Variants in NRXN1 observed in about 807,000 individuals in gnomAD.
NRXN1 encodes the protein neurexin-1.
NRXN1 carries 39 observed loss-of-function variants against 150.9 expected under a neutral mutation model. The observed-to-expected ratio is 0.26, with a 90% CI of 0.20 to 0.34. NRXN1 has a LOEUF of 0.34. Ranked by LOEUF, NRXN1 falls within the 10% of genes least tolerant of loss-of-function variation. NRXN1 has a pLI of 1.00. For missense variants in NRXN1, 1,815 were observed against 1,949.9 expected (o/e 0.93, Z 1.30); for synonymous variants, 924 against 757.0 (o/e 1.22, Z -3.62).
intron 17 of NRXN1, among the ~76,000 whole-genome samples, chr2:50,444,265 A>G (rs542630478): frequency 1.3e-5 from 2 of 152,306 alleles, no homozygotes; most frequent in South Asian, 2.1e-4. Context: ...AAATATACAT[A>G]AAAGTAATAA....
At chr2:50,839,272 A>C (rs1672529366) in intron 5 of NRXN1, among the ~76,000 whole-genome samples, 1 of 152,146 alleles carries the variant, frequency 6.6e-6, no homozygotes. Context: ...TTGATACTTC[A>C]TTTTTATCTC....
chr2:49,968,482 C>A (rs1258705126), intron 21 of NRXN1, among the ~76,000 whole-genome samples: 2 of 151,952 alleles, frequency 1.3e-5, no homozygotes, highest in Admixed American at 6.6e-5. Context: ...TAGGAAACAA[C>A]CCCCTTGACT....
At chr2:50,609,532 C>T (rs985961315) in intron 8 of NRXN1, among the ~76,000 whole-genome samples, 2 of 152,096 alleles carry the variant, frequency 1.3e-5, no homozygotes, top group African/African-American at 4.8e-5. Context: ...TACATAGTCT[C>T]ACTTAATCCT....
intron 17 of NRXN1, among the ~76,000 whole-genome samples, chr2:50,344,497 G>A (rs1036270249): frequency 7.2e-5 from 11 of 152,082 alleles, no homozygotes; most frequent in African/African-American, 2.7e-4. Flanking sequence ...CAGAACCTTC[G>A]AAGGAAACAG....
At chr2:50,933,885 TC>T (rs1393389238) in intron 2 of NRXN1, among the ~76,000 whole-genome samples, 2 of 152,142 alleles carry the variant, frequency 1.3e-5, no homozygotes, top group African/African-American at 4.8e-5. Flanking sequence ...TCAGAGAAGT[TC>T]ACTTTACTTT....
intron 18 of NRXN1, among the ~76,000 whole-genome samples, chr2:50,185,109 T>G (rs1574379814): frequency 6.6e-6 from 1 of 152,076 alleles, no homozygotes; most frequent in Non-Finnish European, 1.5e-5. Flanking sequence ...ATGGGGAGAA[T>G]GAGAGAAACT....
intron 21 of NRXN1, among the ~76,000 whole-genome samples, chr2:50,002,492 G>C (rs920846946): frequency 6.6e-6 from 1 of 152,104 alleles, no homozygotes; most frequent in Non-Finnish European, 1.5e-5. Flanking sequence ...TAGGATGTCA[G>C]TGATAGTTGT....
chr2:50,340,113 T>A (rs1473465527), intron 17 of NRXN1, among the ~76,000 whole-genome samples: 1 of 152,204 alleles, frequency 6.6e-6, no homozygotes, highest in Non-Finnish European at 1.5e-5. Context: ...ATTTGTTTCC[T>A]TGTCAGCAAA....
intron 5 of NRXN1, among the ~76,000 whole-genome samples, chr2:50,899,366 G>C (rs1245526892): frequency 6.6e-6 from 1 of 152,102 alleles, no homozygotes; most frequent in Admixed American, 6.6e-5. Flanking sequence ...ATGACAAATA[G>C]AATAAGGTGA....
At chr2:50,013,745 G>T (rs924731480) in intron 21 of NRXN1, among the ~76,000 whole-genome samples, 2 of 152,138 alleles carry the variant, frequency 1.3e-5, no homozygotes, top group Non-Finnish European at 2.9e-5. Flanking sequence ...AATAACAAAA[G>T]TTCAATGACT....
intron 17 of NRXN1, among the ~76,000 whole-genome samples, chr2:50,367,069 T>G (rs1018221255): frequency 1.3e-5 from 2 of 151,890 alleles, no homozygotes; most frequent in African/African-American, 4.8e-5. Flanking sequence ...TTAAGGAAAG[T>G]AGGGAACATA....
At chr2:50,623,687 C>G in intron 5 of NRXN1, 72 bp from the exon 6 acceptor site, 2 of 1,080,102 alleles carry the variant, frequency 1.9e-6, no homozygotes, top group Non-Finnish European at 2.7e-6. Context: ...TTAACAGAAA[C>G]AATAGCTAAT....
intron 5 of NRXN1, among the ~76,000 whole-genome samples, chr2:50,784,199 C>T (rs190958207): frequency 2.0e-5 from 3 of 152,138 alleles, no homozygotes; most frequent in Admixed American, 6.6e-5. Context: ...GTGCTAGGCA[C>T]TAGGGTTATA....
chr2:50,434,431 T>C (rs1014191537), intron 17 of NRXN1, among the ~76,000 whole-genome samples: 2 of 152,094 alleles, frequency 1.3e-5, no homozygotes, highest in Admixed American at 1.3e-4. Flanking sequence ...TGACTTCATC[T>C]TGAAGAGAAA....
At chr2:50,917,928 G>A (rs185227409) in intron 5 of NRXN1, 1 of 151,514 alleles carries the variant, frequency 6.6e-6, no homozygotes, top group Non-Finnish European at 1.5e-5. Flanking sequence ...TATTATAAGA[G>A]TAAGTTTAAT....
At chr2:50,053,062 A>G (rs1692975914) in intron 21 of NRXN1, among the ~76,000 whole-genome samples, 1 of 152,114 alleles carries the variant, frequency 6.6e-6, no homozygotes, top group Admixed American at 6.6e-5. Flanking sequence ...CCAAAACAAA[A>G]TCTTTTGTAA....
chr2:50,437,496 T>C (rs2085544289), intron 17 of NRXN1, among the ~76,000 whole-genome samples: 1 of 152,244 alleles, frequency 6.6e-6, no homozygotes, highest in Admixed American at 6.5e-5. Context: ...TTTTGCTTTC[T>C]GTGAAAATAA....
rs796576471 is a variant in NRXN1, at chr2:50,327,430, T to C, written c.3365-90460A>G. Among the ~76,000 whole-genome samples the C allele has an allele frequency of 3.0e-4, 46 of 152,272 alleles. 1 individual carries two copies. Among genetic ancestry groups the C allele is most frequent in the African/African-American group, 9.4e-4 (39 of 41,556 alleles). Reference sequence around the variant, plus strand: ...GAGTCACTTCCTAGAATTACAGAAATGCCCTGTGTATGGATGTGGGTAGTA... The same window carrying C: ...GAGTCACTTCCTAGAATTACAGAAACGCCCTGTGTATGGATGTGGGTAGTA... On this transcript the variant is annotated intron_variant, in intron 17 of 22. Transcript: ENST00000401669.
chr2:50,531,152 C>T, intron 11 of NRXN1, 75 bp downstream of exon 11: 1 of 1,170,942 alleles, frequency 8.5e-7, no homozygotes, highest in Non-Finnish European at 1.2e-6. Context: ...AAACAGGCTA[C>T]TTGATCAATG....
Sources: gnomAD v4.1 joint callset for allele counts (sites outside exome capture counted in the v4.1 genomes callset) on GRCh38, gnomAD v4.1.1 for gene constraint, MANE v1.5 for transcripts, NCBI Gene and HGNC (gene_info 2026-07-23, HGNC 2026-07-21) for gene names.